Variants in MID1 observed in about 807,000 individuals in gnomAD.
The protein encoded by MID1 is E3 ubiquitin-protein ligase Midline-1.
In MID1, 7 loss-of-function variants were observed where a neutral mutation model predicts 40.4. The observed-to-expected ratio is 0.17, with a 90% CI of 0.10 to 0.33. The LOEUF (loss-of-function observed/expected upper bound fraction) is 0.33, where lower values mean the gene tolerates loss of function less well. MID1 is among the 10% of genes least tolerant of loss of function. The probability of loss-of-function intolerance (pLI) is 1.00; values close to 1 mark genes in which losing one functional copy is unlikely to be tolerated. For missense variants in MID1, 367 were observed against 558.5 expected (o/e 0.66, Z 3.46); for synonymous variants, 229 against 221.2 (o/e 1.04, Z -0.31).
At chrX:10,460,212 A>G (rs1928941663) in intron 7 of MID1, among the ~76,000 whole-genome samples, 1 of 111,640 alleles carries the variant, frequency 9.0e-6, no homozygotes, top group Non-Finnish European at 1.9e-5. Context: ...TGCTCTGGAG[A>G]AAATATGCCT....
intron 1 of MID1, among the ~76,000 whole-genome samples, chrX:10,735,687 T>TTTTA (rs1034252232): frequency 5.4e-5 from 6 of 111,621 alleles, no homozygotes; most frequent in African/African-American, 1.3e-4. Context: ...ATATATGTAT[T>TTTTA]TTTATTTATT....
chrX:10,727,079 C>A (rs1336730554), intron 1 of MID1, among the ~76,000 whole-genome samples: 1 of 111,547 alleles, frequency 9.0e-6, no homozygotes, highest in Non-Finnish European at 1.9e-5. Context: ...AGAATGAAGA[C>A]CCATGCTGTT....
chrX:10,460,712 A>G (rs1000523862), intron 7 of MID1, among the ~76,000 whole-genome samples: 1 of 109,774 alleles, frequency 9.1e-6, no homozygotes, highest in African/African-American at 3.3e-5. Flanking sequence ...CAAAGCCACC[A>G]CCCCACTCCT....
intron 1 of MID1, among the ~76,000 whole-genome samples, chrX:10,731,922 T>A (rs1460642901): frequency 2.2e-5 from 2 of 92,179 alleles, no homozygotes; most frequent in African/African-American, 8.6e-5. Flanking sequence ...ATAGTGCCAC[T>A]GCACTCTGCA....
At chrX:10,493,609 T>C (rs189099152) in intron 4 of MID1, among the ~76,000 whole-genome samples, 1 of 112,035 alleles carries the variant, frequency 8.9e-6, no homozygotes, top group Admixed American at 9.5e-5. Flanking sequence ...TACTTTGAGA[T>C]CTATTGCATG....
intron 3 of MID1, chrX:10,506,599 G>A (rs1931855100): frequency 8.3e-6 from 4 of 484,340 alleles, no homozygotes; most frequent in Non-Finnish European, 1.5e-5. Flanking sequence ...TCCTGGGAGG[G>A]GCAGAAAAAG....
intron 1 of MID1, among the ~76,000 whole-genome samples, chrX:10,806,057 G>A (rs760159519): frequency 9.4e-6 from 1 of 106,217 alleles, no homozygotes; most frequent in Non-Finnish European, 1.9e-5. Context: ...CTTTTGCTGT[G>A]CAGAAGCTCT....
chrX:10,576,378 C>T (rs1318575015), intron 1 of MID1, among the ~76,000 whole-genome samples: 1 of 111,815 alleles, frequency 8.9e-6, no homozygotes, highest in Non-Finnish European at 1.9e-5. Flanking sequence ...TGAGAAGAAT[C>T]ACTTCGAAGC....
At chrX:10,572,150 T>C (rs892107041) in intron 1 of MID1, among the ~76,000 whole-genome samples, 1 of 100,859 alleles carries the variant, frequency 9.9e-6, no homozygotes, top group Non-Finnish European at 1.9e-5. Flanking sequence ...TTTCTCTCTC[T>C]CTTTCTCTCT....
chrX:10,542,561 C>T (rs769367247), intron 2 of MID1, among the ~76,000 whole-genome samples: 39 of 112,114 alleles, frequency 3.5e-4, no homozygotes, highest in Non-Finnish European at 7.1e-4. Flanking sequence ...GTTCTAAATA[C>T]TTTCTTTTTT....
At position 10,763,627 on chromosome X, in the gene MID1, T is replaced by C. The variant is rs987215270; in HGVS notation, c.-187+69927A>G. Among the ~76,000 whole-genome samples the C allele has an allele frequency of 8.1e-5, 9 of 111,620 alleles. No homozygotes were observed. The East Asian group carries it at 8.4e-4, about 10-fold the overall frequency. On this transcript the variant is annotated intron_variant, in intron 1 of 10. Transcript: ENST00000380785. ...TGTGAATAGTGCCGCAATAAACATATGTGTGCATGTGTCTTTATAGCAGCA... is the reference window on the plus strand; with the variant it reads ...TGTGAATAGTGCCGCAATAAACATACGTGTGCATGTGTCTTTATAGCAGCA...
intron 1 of MID1, among the ~76,000 whole-genome samples, chrX:10,730,564 C>CTTTTTTTT (rs1188069622): frequency 1.3e-5 from 1 of 78,140 alleles, no homozygotes; most frequent in Non-Finnish European, 2.3e-5. Flanking sequence ...TCAGATACAT[C>CTTTTTTTT]TTTTTTTTTT....
chrX:10,827,930 T>C (rs988681211), intron 1 of MID1, among the ~76,000 whole-genome samples: 14 of 111,423 alleles, frequency 1.3e-4, no homozygotes, highest in Non-Finnish European at 1.9e-4. Flanking sequence ...ATATGATTTT[T>C]AAATAATCAG....
chrX:10,653,114 A>G, intron 1 of MID1, among the ~76,000 whole-genome samples: 1 of 111,998 alleles, frequency 8.9e-6, no homozygotes, highest in South Asian at 3.7e-4. Flanking sequence ...GCTGGTGCTC[A>G]ATAAAGATTG....
At chrX:10,740,691 A>C (rs2043517581) in intron 1 of MID1, among the ~76,000 whole-genome samples, 1 of 111,263 alleles carries the variant, frequency 9.0e-6, no homozygotes, top group East Asian at 2.8e-4. Flanking sequence ...TGTTGTTAGG[A>C]TTGAATATAT....
intron 1 of MID1, among the ~76,000 whole-genome samples, chrX:10,691,943 A>G (rs762656509): frequency 9.0e-6 from 1 of 111,275 alleles, no homozygotes; most frequent in South Asian, 3.9e-4. Flanking sequence ...CATGCTGTTG[A>G]GATAAGGACT....
At chrX:10,560,267 T>C (rs761899930) in intron 2 of MID1, among the ~76,000 whole-genome samples, 1 of 109,978 alleles carries the variant, frequency 9.1e-6, no homozygotes, top group African/African-American at 3.3e-5. Context: ...AAAATTTCAC[T>C]CTCGGCAAAA....
At chrX:10,577,267 G>A (rs1444275563) in intron 1 of MID1, among the ~76,000 whole-genome samples, 2 of 111,959 alleles carry the variant, frequency 1.8e-5, no homozygotes, top group East Asian at 2.8e-4. Flanking sequence ...AATAGGAGCC[G>A]TCCTGCCCAG....
chrX:10,722,231 A>G (rs2043361011), intron 1 of MID1, among the ~76,000 whole-genome samples: 1 of 111,786 alleles, frequency 8.9e-6, no homozygotes, highest in Non-Finnish European at 1.9e-5. Flanking sequence ...GTGTAAAACA[A>G]TCTCCCCCAC....
Sources: allele counts gnomAD v4.1 joint callset (sites outside exome capture counted in the v4.1 genomes callset), GRCh38; gene constraint gnomAD v4.1.1; transcripts MANE v1.5; gene names NCBI Gene and HGNC (gene_info 2026-07-23, HGNC 2026-07-21).